FETUB: variants seen among roughly 807,000 people sequenced by gnomAD.
FETUB encodes fetuin B.
A neutral mutation model predicts 30.9 loss-of-function variants in FETUB; 28 were observed. That is an observed-to-expected ratio of 0.90 (90% CI 0.67 to 1.24). FETUB has a LOEUF of 1.24. Among genes scored for constraint, FETUB ranks in the 50% most tolerant of loss-of-function variants. FETUB has a pLI of 0.00. For synonymous variants in FETUB, 186 were observed against 175.9 expected (o/e 1.06, Z -0.45); for missense variants, 469 against 455.3 (o/e 1.03, Z -0.27).
upstream of FETUB, among the ~76,000 whole-genome samples, chr3:186,637,874 C>T (rs111589611): frequency 0.014 from 2,134 of 152,326 alleles, 44 homozygotes; most frequent in African/African-American, 0.046. Flanking sequence ...ATCCTGCTAC[C>T]TTCCTTTTAC....
intron 5 of FETUB, among the ~76,000 whole-genome samples, chr3:186,648,361 T>A (rs896012436): frequency 6.6e-6 from 1 of 152,244 alleles, no homozygotes; most frequent in Non-Finnish European, 1.5e-5. Flanking sequence ...TCTAAGCTTA[T>A]ACTGGTATAA....
At position 186,652,668 on chromosome 3, in the gene FETUB, C is replaced by T. The variant is rs772037269; in HGVS notation, c.*37C>T. On this transcript the variant is annotated 3_prime_UTR_variant, in exon 7 of 7. Transcript: ENST00000265029. The stretch of plus-strand genomic sequence containing the variant: ...AGTCTTCTGTAGGGGTATGGTGCGC[C>T]GCATGACATGGGAGGCGATGGGGAC... 1.2e-4 allele frequency: 192 copies of T among 1,552,582 alleles called. No homozygotes were observed. The highest frequency in any genetic ancestry group is 1.6e-4 in the Non-Finnish European group (187 of 1,153,700).
chr3:186,648,618 C>T (rs1472270806), intron 5 of FETUB, among the ~76,000 whole-genome samples: 6 of 152,182 alleles, frequency 3.9e-5, no homozygotes, highest in Non-Finnish European at 5.9e-5. Context: ...ATTAAGTTTT[C>T]AATTCCATGA....
intron 3 of FETUB, among the ~76,000 whole-genome samples, chr3:186,643,262 G>C (rs1717218683): frequency 6.6e-6 from 1 of 152,138 alleles, no homozygotes; most frequent in Admixed American, 6.5e-5. Context: ...ATGTTGTTAA[G>C]TAAATAATTG....
chr3:186,646,252 T>C lies in FETUB; in HGVS notation c.599T>C (p.Val200Ala). Residue 200 changes from valine to alanine, a missense_variant, in exon 5 of 7, where the codon GTG (valine) becomes GCG (alanine). By Grantham distance (64) the Val-to-Ala change is moderately conservative. Transcript: ENST00000265029. Reference sequence around the variant, plus strand: ...TCAACTCTTGTCTCATAACAGTGGGTGGTCGGCCCTTCTTACTTTGTGGAA... The same window carrying C: ...TCAACTCTTGTCTCATAACAGTGGGCGGTCGGCCCTTCTTACTTTGTGGAA... ...FKVTRASSQW[V>A]VGPSYFVEYL... 6.2e-7 allele frequency: 1 copy of C among 1,611,048 alleles called. No individual in the cohort carries two copies. The highest frequency in any genetic ancestry group is 2.2e-5 in the East Asian group (1 of 44,854).
intron 6 of FETUB, chr3:186,651,504 A>C: frequency 1.8e-6 from 1 of 544,952 alleles, no homozygotes; most frequent in Non-Finnish European, 3.3e-6. Flanking sequence ...CCTGCAGAAT[A>C]AGCAAGACAA....
intron 1 of FETUB, 93 bp from the exon 2 acceptor site, chr3:186,640,937 T>C (rs1220019597): frequency 1.3e-6 from 1 of 791,362 alleles, no homozygotes; most frequent in African/African-American, 1.7e-5. Flanking sequence ...AAATATTCTT[T>C]GGCTTTGCCA....
intron 1 of FETUB, 30 bp from the exon 2 acceptor site, chr3:186,641,000 T>C (rs374443135): frequency 5.0e-6 from 7 of 1,391,018 alleles, no homozygotes; most frequent in Non-Finnish European, 7.1e-6. Context: ...TCCTGTGAAA[T>C]GTATTGCATT....
Position 186,652,349 on chromosome 3 carries a change from C to T in FETUB, c.867C>T (p.Thr289=), listed in dbSNP as rs1354425660. 6.2e-7 allele frequency: 1 copy of T among 1,610,858 alleles called. No individual in the cohort carries two copies. The highest frequency in any genetic ancestry group is 8.5e-7 in the Non-Finnish European group (1 of 1,178,716). Residue 289 remains threonine, a synonymous_variant, in exon 7 of 7, where the codon ACC becomes ACT. Transcript: ENST00000265029. ...TGGAAGAATCCCAGCAGAAAAACACCCCCCCAACAGACTCCCCCTCCAAAG... is the reference window on the plus strand; with the variant it reads ...TGGAAGAATCCCAGCAGAAAAACACTCCCCCAACAGACTCCCCCTCCAAAG... ...PKVEESQQKN[T]PPTDSPSKAG... is the part of the protein sequence containing the mutation.
chr3:186,650,659 C>G (rs1314945008), intron 5 of FETUB, among the ~76,000 whole-genome samples: 1 of 151,936 alleles, frequency 6.6e-6, no homozygotes, highest in Admixed American at 6.6e-5. Context: ...GAAAAAAAGA[C>G]TGGAAGGAAG....
Position 186,651,217 on chromosome 3 carries a change from G to T in FETUB, c.697-1G>T, listed in dbSNP as rs1405833295. On this transcript the variant is annotated splice_acceptor_variant, in intron 5 of 6. Transcript: ENST00000265029. LOFTEE classifies it high-confidence loss of function. The stretch of plus-strand genomic sequence containing the variant: ...ACATGACATTGTATTTTCTCTTTTA[G>T]CCTGTTGGTCTTTGCAAAGGTTCTC... The T allele has an allele frequency of 1.9e-6, 3 of 1,606,084 alleles. No homozygotes were observed. The African/African-American group carries it at 4.0e-5, about 21-fold the overall frequency.
At chr3:186,647,451 C>G (rs933578813) in intron 5 of FETUB, among the ~76,000 whole-genome samples, 1 of 152,152 alleles carries the variant, frequency 6.6e-6, no homozygotes, top group Non-Finnish European at 1.5e-5. Flanking sequence ...TTTGCAATCC[C>G]ATCAGCAATG....
At chr3:186,637,981 T>C (rs1281148679), upstream of FETUB, among the ~76,000 whole-genome samples, 3 of 152,240 alleles carry the variant, frequency 2.0e-5, no homozygotes, top group East Asian at 1.9e-4. Flanking sequence ...CTACTCCAAA[T>C]TGGGGTATGC....
At position 186,641,054 on chromosome 3, in the gene FETUB, C is replaced by G. The variant is rs1560019647; in HGVS notation, c.250C>G (p.Leu84Val). ...GGGTGGCCTGGGATCTCTGTTCTAT[C>G]TTACACTGGATGTGCTAGAGACTGA... ...RRGGLGSLFY[L>V]TLDVLETDCH... The change falls in exon 2 of 7, where the codon CTT (leucine) becomes GTT (valine). Residue 84 changes from leucine to valine, a missense_variant. Transcript: ENST00000265029. 6.2e-7 allele frequency: 1 copy of G among 1,613,624 alleles called. No individual in the cohort carries two copies. Among genetic ancestry groups the G allele is most frequent in the Non-Finnish European group, 8.5e-7 (1 of 1,179,588 alleles).
At chr3:186,649,475 T>G (rs1717815697) in intron 5 of FETUB, among the ~76,000 whole-genome samples, 1 of 152,138 alleles carries the variant, frequency 6.6e-6, no homozygotes, top group Non-Finnish European at 1.5e-5. Flanking sequence ...TTTTTGTTTT[T>G]TTTTCTCTTT....
chr3:186,642,262 T>A (rs1381895926), intron 2 of FETUB: 1 of 534,594 alleles, frequency 1.9e-6, no homozygotes, highest in Non-Finnish European at 3.3e-6. Flanking sequence ...TCACACGTGT[T>A]GGGGAGGCTT....
At chr3:186,643,237 T>G (rs1717215401) in intron 3 of FETUB, among the ~76,000 whole-genome samples, 1 of 152,132 alleles carries the variant, frequency 6.6e-6, no homozygotes, top group Non-Finnish European at 1.5e-5. Flanking sequence ...TCCCACCAAG[T>G]AGAAGGTGTC....
chr3:186,645,043 C>G (rs1717388860), intron 4 of FETUB, 123 bp downstream of exon 4: 1 of 669,688 alleles, frequency 1.5e-6, no homozygotes, highest in Admixed American at 3.3e-5. Flanking sequence ...CCTTTCTCTA[C>G]TTTCCCCACT....
upstream of FETUB, among the ~76,000 whole-genome samples, chr3:186,638,438 G>C (rs1213679800): frequency 2.0e-5 from 3 of 152,168 alleles, no homozygotes; most frequent in Non-Finnish European, 4.4e-5. Flanking sequence ...ACAAAATGCT[G>C]TGTGGCACAC....
Sources: allele counts gnomAD v4.1 joint callset (sites outside exome capture counted in the v4.1 genomes callset), GRCh38; gene constraint gnomAD v4.1.1; transcripts MANE v1.5; gene names NCBI Gene and HGNC (gene_info 2026-07-23, HGNC 2026-07-21).